The following ERBB4 variants were observed in gnomAD, a reference collection of about 807,000 sequenced individuals.
ERBB4 encodes the protein receptor tyrosine-protein kinase erbB-4.
A neutral mutation model predicts 158.0 loss-of-function variants in ERBB4; 42 were observed. The ratio of observed to expected loss-of-function variants is 0.27; its 90% CI spans 0.21 to 0.34. The LOEUF (loss-of-function observed/expected upper bound fraction) is 0.34, where lower values mean the gene tolerates loss of function less well. ERBB4 is among the 10% of genes least tolerant of loss of function. The probability of loss-of-function intolerance (pLI) is 1.00; values close to 1 mark genes in which losing one functional copy is unlikely to be tolerated. For missense variants in ERBB4, 1,333 were observed against 1,624.1 expected (o/e 0.82, Z 3.08); for synonymous variants, 583 against 558.7 (o/e 1.04, Z -0.61).
intron 20 of ERBB4, among the ~76,000 whole-genome samples, chr2:211,457,616 G>T (rs925718802): frequency 6.6e-6 from 1 of 152,178 alleles, no homozygotes; most frequent in African/African-American, 2.4e-5. Context: ...CTTGAATTTT[G>T]CACAGGGAGA....
intron 2 of ERBB4, among the ~76,000 whole-genome samples, chr2:212,048,877 A>G (rs538387020): frequency 5.6e-4 from 85 of 152,342 alleles, no homozygotes; most frequent in Non-Finnish European, 1.1e-3. Context: ...GCATTCGAAC[A>G]TGGAATAAAT....
At chr2:211,588,963 G>A (rs558842854) in intron 19 of ERBB4, among the ~76,000 whole-genome samples, 1 of 152,148 alleles carries the variant, frequency 6.6e-6, no homozygotes, top group African/African-American at 2.4e-5. Flanking sequence ...GAAGATATGA[G>A]AAAAAATATG....
intron 19 of ERBB4, among the ~76,000 whole-genome samples, chr2:211,612,468 T>C (rs2069235584): frequency 6.6e-6 from 1 of 151,902 alleles, no homozygotes; most frequent in Non-Finnish European, 1.5e-5. Context: ...GTTATAACTT[T>C]AGAAATCAGG....
At chr2:211,532,398 C>G (rs994841501) in intron 20 of ERBB4, among the ~76,000 whole-genome samples, 1 of 151,828 alleles carries the variant, frequency 6.6e-6, no homozygotes, top group Non-Finnish European at 1.5e-5. Context: ...CTCATGTAAC[C>G]ATAAACATAT....
intron 1 of ERBB4, chr2:212,426,360 A>G (rs538454958): frequency 4.6e-6 from 2 of 430,728 alleles, no homozygotes; most frequent in Admixed American, 3.4e-5. Context: ...AATAGTTATT[A>G]GAAAGATGGT....
intron 20 of ERBB4, among the ~76,000 whole-genome samples, chr2:211,524,146 CAT>C (rs946592480): frequency 3.9e-5 from 6 of 152,064 alleles, no homozygotes; most frequent in Non-Finnish European, 8.8e-5. Flanking sequence ...CTGAGCTAGA[CAT>C]AAAGTTTCTC....
intron 2 of ERBB4, among the ~76,000 whole-genome samples, chr2:211,967,689 G>A (rs1195004382): frequency 1.3e-5 from 2 of 152,104 alleles, no homozygotes; most frequent in African/African-American, 4.8e-5. Context: ...ACCATACAAT[G>A]CAATGGTATC....
rs78967374 is a variant in ERBB4 at position 211,806,133 on chromosome 2, C to T, written c.422-17974G>A. Among the ~76,000 whole-genome samples the T allele has an allele frequency of 4.6e-5, 7 of 151,540 alleles. No homozygotes were observed. In the East Asian group the frequency reaches 1.4e-3, roughly 29 times the overall value. ...AATTATGCAGAAAAAGATTTTAAAA[C>T]AAAATAAATGCCTAGATGTGTATAT... On this transcript the variant is annotated intron_variant, in intron 3 of 27. Transcript: ENST00000342788.
At chr2:211,700,594 T>G (rs901586516) in intron 12 of ERBB4, among the ~76,000 whole-genome samples, 1 of 152,210 alleles carries the variant, frequency 6.6e-6, no homozygotes, top group Non-Finnish European at 1.5e-5. Context: ...TTAAATTATT[T>G]CTGGAACAAG....
intron 1 of ERBB4, among the ~76,000 whole-genome samples, chr2:212,494,247 A>G (rs539179664): frequency 6.6e-6 from 1 of 152,106 alleles, no homozygotes; most frequent in East Asian, 1.9e-4. Context: ...TACTATTTGA[A>G]CATGTCCTTC....
At chr2:211,398,643 C>A (rs1162695883) in intron 25 of ERBB4, among the ~76,000 whole-genome samples, 2 of 152,086 alleles carry the variant, frequency 1.3e-5, no homozygotes. Context: ...GAGTTCAAGA[C>A]CAGATGGTGA....
chr2:212,491,087 T>G lies in ERBB4; in HGVS notation c.82+47362A>C, dbSNP rs1026224785. On this transcript the variant is annotated intron_variant, in intron 1 of 27. Coordinates refer to ENST00000342788, the MANE Select transcript of ERBB4 (RefSeq NM_005235.3). The stretch of plus-strand genomic sequence containing the variant: ...ATTAAAGAGTAGTGTTTCAAGGTAT[T>G]CTAGCATCTGAGGCTGTCTCTGTAA... Among the ~76,000 whole-genome samples the G allele has an allele frequency of 7.9e-5, 12 of 151,594 alleles. 1 individual carries two copies. The highest frequency in any genetic ancestry group is 2.7e-4 in the African/African-American group (11 of 41,410).
At chr2:211,658,008 A>G (rs757760946) in intron 15 of ERBB4, 180 bp from the exon 16 acceptor site, 25 of 1,584,354 alleles carry the variant, frequency 1.6e-5, no homozygotes, top group Middle Eastern at 1.7e-4. Context: ...CAGAAAATGC[A>G]AATTTAAAAA....
At chr2:212,016,708 C>T (rs547161302) in intron 2 of ERBB4, among the ~76,000 whole-genome samples, 2 of 151,928 alleles carry the variant, frequency 1.3e-5, no homozygotes, top group Admixed American at 6.6e-5. Context: ...AGTTAATAAG[C>T]TTTTTACATA....
At chr2:211,772,924 C>CACATATATATATAT (rs1181682464) in intron 4 of ERBB4, among the ~76,000 whole-genome samples, 1 of 36,726 alleles carries the variant, frequency 2.7e-5, no homozygotes, top group East Asian at 1.3e-3. Flanking sequence ...CACACACACA[C>CACATATATATATAT]ATATATATAT....
At chr2:211,814,499 C>T (rs183266994) in intron 3 of ERBB4, among the ~76,000 whole-genome samples, 1 of 152,014 alleles carries the variant, frequency 6.6e-6, no homozygotes, top group Non-Finnish European at 1.5e-5. Context: ...TATAGAGGTA[C>T]TAAGATGAAA....
At chr2:211,585,362 A>C (rs1320811321) in intron 19 of ERBB4, among the ~76,000 whole-genome samples, 4 of 151,862 alleles carry the variant, frequency 2.6e-5, no homozygotes. Flanking sequence ...AAAAAAAAAA[A>C]AAAAGACTTC....
intron 16 of ERBB4, among the ~76,000 whole-genome samples, chr2:211,634,896 TCCTCA>T (rs1257815074): frequency 6.6e-6 from 1 of 152,128 alleles, no homozygotes; most frequent in Admixed American, 6.5e-5. Context: ...CAGTCTGGTC[TCCTCA>T]CCTCATGTGA....
At chr2:211,978,392 G>GTCTTTCTTTCTA (rs1165469722) in intron 2 of ERBB4, among the ~76,000 whole-genome samples, 4 of 102,246 alleles carry the variant, frequency 3.9e-5, no homozygotes, top group Non-Finnish European at 6.3e-5. Context: ...CTGTCTGTCT[G>GTCTTTCTTTCTA]TCTGTCTATC....
Sources: allele counts gnomAD v4.1 joint callset (sites outside exome capture counted in the v4.1 genomes callset), GRCh38; gene constraint gnomAD v4.1.1; transcripts MANE v1.5; gene names NCBI Gene and HGNC (gene_info 2026-07-23, HGNC 2026-07-21).